The following SRBD1 variants were observed in gnomAD, a reference collection of about 807,000 sequenced individuals.
The protein encoded by SRBD1 is S1 RNA-binding domain-containing protein 1.
SRBD1 carries 88 observed loss-of-function variants against 115.3 expected under a neutral mutation model. That is an observed-to-expected ratio of 0.76 (90% CI 0.64 to 0.91). The LOEUF is 0.91. Among genes scored for constraint, SRBD1 ranks in the 40% least tolerant of loss-of-function variants. The pLI, the probability that SRBD1 is intolerant of heterozygous loss-of-function variation, is 0.00. For missense variants in SRBD1, 1,385 were observed against 1,177.4 expected (o/e 1.18, Z -2.58); for synonymous variants, 509 against 407.7 (o/e 1.25, Z -2.99).
rs748412678 is a variant in SRBD1, at chr2:45,581,697, T to C, written c.929A>G (p.His310Arg). 5.6e-6 allele frequency: 9 copies of C among 1,610,612 alleles called. No individual in the cohort carries two copies. Among genetic ancestry groups the C allele is most frequent in the Non-Finnish European group, 7.6e-6 (9 of 1,178,374 alleles). The stretch of plus-strand genomic sequence containing the variant: ...AAGATAAAAAGGATTCCTTACCACG[T>C]GTTCTAGTTCTTCAAAAGTTTTACA... ...LNCKTFEELE[H>R]VSAPYKTGSK... The change falls in exon 6 of 21, where the codon CAC (histidine) becomes CGC (arginine). Residue 310 changes from histidine (H) to arginine (R), a missense_variant. By Grantham distance (29) the His-to-Arg change is conservative. Transcript: ENST00000263736.
At position 45,533,345 on chromosome 2, in the gene SRBD1, T is replaced by G. The variant is rs149510728; in HGVS notation, c.1874+13387A>C. Among the ~76,000 whole-genome samples the G allele has an allele frequency of 5.9e-3, 896 of 152,146 alleles. 6 individuals carry two copies. The highest frequency in any genetic ancestry group is 0.01 in the Non-Finnish European group (685 of 67,936). On this transcript the variant is annotated intron_variant, in intron 14 of 20. Coordinates refer to ENST00000263736, the MANE Select transcript of SRBD1 (RefSeq NM_018079.5). ...AATTAAGACTGCACTGGACCCTATC[T>G]ACAGAGATGGTTACTAAAAGTCCTA...
At chr2:45,572,134 GAA>G (rs1476184888) in intron 9 of SRBD1, among the ~76,000 whole-genome samples, 1 of 152,094 alleles carries the variant, frequency 6.6e-6, no homozygotes, top group Non-Finnish European at 1.5e-5. Flanking sequence ...CAGCAAGAGA[GAA>G]GAGACTTGTC....
At chr2:45,506,854 C>T (rs1670814562) in intron 14 of SRBD1, among the ~76,000 whole-genome samples, 1 of 152,130 alleles carries the variant, frequency 6.6e-6, no homozygotes, top group Non-Finnish European at 1.5e-5. Context: ...TTCTTATTCA[C>T]CATTTAGTCT....
At position 45,389,357 on chromosome 2, in the gene SRBD1, C is replaced by T. The variant is rs1417013708; in HGVS notation, c.2941G>A (p.Asp981Asn). 2 of 1,613,918 alleles carry T rather than the reference C, an allele frequency of 1.2e-6. No individual in the cohort carries two copies. Among genetic ancestry groups the T allele is most frequent in the African/African-American group, 2.7e-5 (2 of 74,924 alleles). The change falls in exon 21 of 21, where the codon GAC (aspartate) becomes AAC (asparagine). Residue 981 changes from aspartate (D) to asparagine (N), a missense_variant. By Grantham distance (23) the Asp-to-Asn change is conservative. Transcript: ENST00000263736. ...ERVEVQVLNI[D>N]IPRSRITLDL... is the part of the protein sequence containing the mutation. ...AGAGTAATCCTAGATCGGGGGATGTCAATGTTGAGTACTTGGACTTCCACT... is the reference window on the plus strand; with the variant it reads ...AGAGTAATCCTAGATCGGGGGATGTTAATGTTGAGTACTTGGACTTCCACT...
At chr2:45,447,955 T>C (rs1174094219) in intron 16 of SRBD1, 1 of 152,128 alleles carries the variant, frequency 6.6e-6, no homozygotes, top group South Asian at 2.1e-4. Context: ...CATGGCTTAT[T>C]GTTTAATAAG....
At chr2:45,520,473 G>T (rs571748545) in intron 14 of SRBD1, among the ~76,000 whole-genome samples, 1 of 152,316 alleles carries the variant, frequency 6.6e-6, no homozygotes, top group South Asian at 2.1e-4. Context: ...AAATACGGGG[G>T]AGAAGAGGGC....
chr2:45,551,227 G>C lies in SRBD1; in HGVS notation c.1573C>G (p.Leu525Val). 1 of 1,612,928 alleles carries C rather than the reference G, an allele frequency of 6.2e-7. No individual in the cohort carries two copies. The highest frequency in any genetic ancestry group is 8.5e-7 in the Non-Finnish European group (1 of 1,179,814). Residue 525 changes from leucine to valine, a missense_variant, in exon 12 of 21, where the codon CTT (leucine) becomes GTT (valine). Leu to Val is a conservative substitution (Grantham distance 32). Transcript: ENST00000263736. ...KESVMMFGRN[L>V]RQLLLTSPVP... ...GGGCTTGTTAAAAGGAGCTGACGAA[G>C]GTTCCGTCCAAACATCATTACTGAT...
chr2:45,422,511 C>T (rs1254204870), intron 16 of SRBD1, among the ~76,000 whole-genome samples: 1 of 152,184 alleles, frequency 6.6e-6, no homozygotes, highest in African/African-American at 2.4e-5. Context: ...GAATAAACCA[C>T]ATACAGCATA....
At chr2:45,453,140 A>G (rs1014994524) in intron 16 of SRBD1, among the ~76,000 whole-genome samples, 1 of 151,858 alleles carries the variant, frequency 6.6e-6, no homozygotes, top group Non-Finnish European at 1.5e-5. Context: ...TGGCAGCAAC[A>G]AACTCTAGGT....
chr2:45,479,650 T>A (rs1335697138), intron 15 of SRBD1, among the ~76,000 whole-genome samples: 3 of 152,164 alleles, frequency 2.0e-5, no homozygotes, highest in Non-Finnish European at 4.4e-5. Context: ...GAAGCCATCT[T>A]CCTAACATAA....
chr2:45,550,987 C>T (rs1672279827), intron 12 of SRBD1, 138 bp downstream of exon 12: 2 of 900,922 alleles, frequency 2.2e-6, no homozygotes, highest in Non-Finnish European at 3.2e-6. Flanking sequence ...TTATCTGGTT[C>T]CCAACACCCC....
At chr2:45,520,648 G>A (rs1336301898) in intron 14 of SRBD1, among the ~76,000 whole-genome samples, 1 of 151,780 alleles carries the variant, frequency 6.6e-6, no homozygotes, top group Admixed American at 6.6e-5. Context: ...CAGATGAAGA[G>A]ACAAGCAAAT....
intron 16 of SRBD1, among the ~76,000 whole-genome samples, chr2:45,425,058 T>C (rs1668112306): frequency 6.6e-6 from 1 of 152,210 alleles, no homozygotes; most frequent in Non-Finnish European, 1.5e-5. Context: ...GTTCTGTACT[T>C]AGCCCCCCTG....
chr2:45,527,027 T>C (rs1047790140), intron 14 of SRBD1, among the ~76,000 whole-genome samples: 1 of 151,914 alleles, frequency 6.6e-6, no homozygotes, highest in African/African-American at 2.4e-5. Flanking sequence ...GTTGTTTCCA[T>C]AGTTTTTAGA....
At chr2:45,439,560 T>A (rs544857228) in intron 16 of SRBD1, among the ~76,000 whole-genome samples, 47 of 151,224 alleles carry the variant, frequency 3.1e-4, no homozygotes, top group African/African-American at 1.0e-3. Context: ...AGAATTAAAA[T>A]GAAAAACTAA....
At chr2:45,610,194 G>T (rs988057755) in intron 1 of SRBD1, among the ~76,000 whole-genome samples, 3 of 152,156 alleles carry the variant, frequency 2.0e-5, no homozygotes, top group Admixed American at 6.5e-5. Flanking sequence ...GTTACTAAGG[G>T]AAGAGCCACT....
chr2:45,410,890 ATATACCTTCCCCC>A (rs1667582848), intron 19 of SRBD1, among the ~76,000 whole-genome samples: 2 of 151,916 alleles, frequency 1.3e-5, no homozygotes, highest in African/African-American at 4.8e-5. Flanking sequence ...CCTTTCCCCC[ATATACCTTCCCCC>A]TATACCTTTC....
intron 14 of SRBD1, among the ~76,000 whole-genome samples, chr2:45,492,497 G>T (rs1427711100): frequency 1.3e-5 from 2 of 152,120 alleles, no homozygotes; most frequent in African/African-American, 4.8e-5. Flanking sequence ...GGAGTGCAGT[G>T]GCGCCATCTC....
intron 14 of SRBD1, among the ~76,000 whole-genome samples, chr2:45,494,021 C>G (rs1028855069): frequency 2.0e-5 from 3 of 151,686 alleles, no homozygotes; most frequent in Non-Finnish European, 4.4e-5. Context: ...TGTAAAAATT[C>G]AAAAAAATTA....
Sources: gnomAD v4.1 joint callset for allele counts (sites outside exome capture counted in the v4.1 genomes callset) on GRCh38, gnomAD v4.1.1 for gene constraint, MANE v1.5 for transcripts, NCBI Gene and HGNC (gene_info 2026-07-23, HGNC 2026-07-21) for gene names.